The following TRIM21 variants were observed in gnomAD, a reference collection of about 807,000 sequenced individuals.
TRIM21 encodes the protein tripartite motif containing 21.
Under a neutral mutation model 36.1 loss-of-function variants are expected in TRIM21, and 35 were observed. That is an observed-to-expected ratio of 0.97 (90% CI 0.74 to 1.28). The LOEUF (loss-of-function observed/expected upper bound fraction) is 1.28, where lower values mean the gene tolerates loss of function less well. Among genes scored for constraint, TRIM21 ranks in the 50% most tolerant of loss-of-function variants. The pLI is 0.00. For missense variants in TRIM21, 635 were observed against 570.7 expected, an observed-to-expected ratio of 1.11 and a Z score of -1.15; for synonymous variants, 256 against 211.5, an observed-to-expected ratio of 1.21 and a Z score of -1.83.
intron 1 of TRIM21, 105 bp from the exon 2 acceptor site, chr11:4,390,563 A>AAAT (rs1484969210): frequency 1.4e-6 from 1 of 712,974 alleles, no homozygotes; most frequent in East Asian, 2.7e-5. Context: ...TTCTTCACAA[A>AAAT]AATAGGAAAA....
At chr11:4,392,057 A>C (rs972126208) in intron 1 of TRIM21, among the ~76,000 whole-genome samples, 12 of 152,142 alleles carry the variant, frequency 7.9e-5, no homozygotes, top group African/African-American at 2.2e-4. Flanking sequence ...TTAATTGTAC[A>C]TTAAAAATAA....
intron 1 of TRIM21, 57 bp downstream of exon 1, chr11:4,393,576 G>C (rs956432283): frequency 6.6e-6 from 1 of 152,582 alleles, no homozygotes; most frequent in Admixed American, 6.5e-5. Context: ...CCCTGGGGCA[G>C]GGGAGAGAGG....
chr11:4,386,788 T>G lies in TRIM21; in HGVS notation c.758+180A>C, dbSNP rs576034851. On this transcript the variant is annotated intron_variant, in intron 5 of 6. Coordinates refer to ENST00000254436, the MANE Select transcript of TRIM21 (RefSeq NM_003141.4). ...CCAACTACTGTGGGCAATCACCAATTGAGATGTCCATTTATTAGCTTTCTG... is the reference window on the plus strand; with the variant it reads ...CCAACTACTGTGGGCAATCACCAATGGAGATGTCCATTTATTAGCTTTCTG... 2.6e-5 allele frequency among the ~76,000 whole-genome samples: 4 copies of G among 152,322 alleles called. No homozygotes were observed. The East Asian group carries it at 7.7e-4, about 29-fold the overall frequency.
At chr11:4,389,561 G>C in intron 3 of TRIM21, 93 bp downstream of exon 3, 1 of 1,080,018 alleles carries the variant, frequency 9.3e-7, no homozygotes, top group South Asian at 1.3e-5. Context: ...TCACTGCTCA[G>C]AGAGGCACAG....
rs372780428 is a variant in TRIM21 at position 4,385,892 on chromosome 11, G to A, written c.860-39C>T. On this transcript the variant is annotated intron_variant, in intron 6 of 6. Coordinates refer to ENST00000254436, the MANE Select transcript of TRIM21 (RefSeq NM_003141.4). ...ACCACAGTCAGGCCTTGCATGGGGGGAGTTCACTAAGTCTGTGCCTGTGGT... is the reference window on the plus strand; with the variant it reads ...ACCACAGTCAGGCCTTGCATGGGGGAAGTTCACTAAGTCTGTGCCTGTGGT... 3 of 1,547,892 alleles carry A rather than the reference G, an allele frequency of 1.9e-6. No homozygotes were observed. The African/African-American group carries it at 4.1e-5, about 21-fold the overall frequency.
chr11:4,388,596 T>C, intron 3 of TRIM21, 66 bp from the exon 4 acceptor site: 1 of 1,472,160 alleles, frequency 6.8e-7, no homozygotes, highest in Non-Finnish European at 9.3e-7. Flanking sequence ...GGAATGGAGG[T>C]ATTGGTACCT....
chr11:4,393,406 T>A (rs770922396), intron 1 of TRIM21, among the ~76,000 whole-genome samples: 86 of 151,840 alleles, frequency 5.7e-4, no homozygotes, highest in Non-Finnish European at 1.2e-3. Context: ...CCGGGCCCCT[T>A]CCCCTTCTGG....
chr11:4,392,972 G>A (rs1243024712), intron 1 of TRIM21, among the ~76,000 whole-genome samples: 1 of 152,076 alleles, frequency 6.6e-6, no homozygotes, highest in African/African-American at 2.4e-5. Flanking sequence ...CTCCTATAAC[G>A]GCGGAAGTCA....
chr11:4,387,037 C>T (rs1439489303), intron 4 of TRIM21, 47 bp from the exon 5 acceptor site: 1 of 1,554,058 alleles, frequency 6.4e-7, no homozygotes, highest in Non-Finnish European at 8.7e-7. Flanking sequence ...GCTGGATCGC[C>T]ACTGAGACAT....
rs770993955 is a variant in TRIM21, at chr11:4,390,374, C to T, written c.36G>A (p.Glu12=). The change falls in exon 2 of 7, where the codon GAG becomes GAA. Residue 12 remains glutamate, a synonymous_variant. Coordinates refer to ENST00000254436, the MANE Select transcript of TRIM21 (RefSeq NM_003141.4). ...ASAARLTMMW[E]EVTCPICLDP... ...CCAGGCAGATAGGGCATGTGACCTCCTCCCACATCATTGTCAAGCGTGCTG... is the reference window on the plus strand; with the variant it reads ...CCAGGCAGATAGGGCATGTGACCTCTTCCCACATCATTGTCAAGCGTGCTG... 7 of 1,611,602 alleles carry T rather than the reference C, an allele frequency of 4.3e-6. No individual in the cohort carries two copies. Among genetic ancestry groups the T allele is most frequent in the African/African-American group, 1.3e-5 (1 of 74,870 alleles).
At position 4,385,246 on chromosome 11, in the gene TRIM21, GGTGCCAATGGGGAGA is replaced by G; in HGVS notation, c.*24_*38del. On this transcript the variant is annotated 3_prime_UTR_variant, in exon 7 of 7. Coordinates refer to ENST00000254436, the MANE Select transcript of TRIM21 (RefSeq NM_003141.4). ...GAGGCAGGGTTTGTGGCTGAGAAGC[GGTGCCAATGGGGAGA>G]GTGGCAGTGTCCAGAGAAAGCCATC... The G allele has an allele frequency of 1.3e-6, 2 of 1,551,234 alleles. No individual in the cohort carries two copies. The highest frequency in any genetic ancestry group is 4.5e-5 in the East Asian group (2 of 44,242).
In TRIM21 at chr11:4,392,567, A is replaced by AAAAACAAAAC. The variant is rs71466158; in HGVS notation, c.-50+1056_-50+1065dup. On this transcript the variant is annotated intron_variant, in intron 1 of 6. Coordinates refer to ENST00000254436, the MANE Select transcript of TRIM21 (RefSeq NM_003141.4). ...GGGTGACACGGCGAGACTCCCTCTC[A>AAAAACAAAAC]AAAACAAAACAAAACAAAACAAGGC... 1.9e-3 allele frequency among the ~76,000 whole-genome samples: 284 copies of AAAAACAAAAC among 151,766 alleles called. 3 individuals carry two copies. Among genetic ancestry groups the AAAAACAAAAC allele is most frequent in the African/African-American group, 6.6e-3 (273 of 41,276 alleles).
At chr11:4,386,342 T>C in intron 5 of TRIM21, 85 bp from the exon 6 acceptor site, 2 of 1,135,490 alleles carry the variant, frequency 1.8e-6, no homozygotes, top group African/African-American at 1.5e-5. Flanking sequence ...AGGACTCCGA[T>C]AATTTAATTC....
rs1230178924 is a variant in TRIM21, at chr11:4,390,330, A to G, written c.80T>C (p.Val27Ala). Residue 27 changes from valine to alanine, a missense_variant, in exon 2 of 7, where the codon GTG (valine) becomes GCG (alanine). Val to Ala is a moderately conservative substitution (Grantham distance 64, BLOSUM62 0). Coordinates refer to ENST00000254436, the MANE Select transcript of TRIM21 (RefSeq NM_003141.4). ...PICLDPFVEP[V>A]SIECGHSFCQ... ...GAAGCTGTGGCCACACTCGATGCTC[A>G]CAGGCTCCACGAAGGGGTCCAGGCA... is the stretch of plus-strand genomic sequence containing the variant. 6.2e-7 allele frequency: 1 copy of G among 1,613,816 alleles called. No homozygotes were observed. The highest frequency in any genetic ancestry group is 8.5e-7 in the Non-Finnish European group (1 of 1,179,894).
rs2094954841 is a variant in TRIM21 at position 4,385,326 on chromosome 11, A to T, written c.1387T>A (p.Cys463Ser). ...GGKNTAPLTLCPLNIGSQGST... is the reference protein window; with the variant it reads ...GGKNTAPLTLSPLNIGSQGST... ...CCTTGTGATCCAATATTCAGTGGAC[A>T]GAGGGTTAGAGGGGCTGTGTTTTTT... Residue 463 changes from cysteine (C) to serine (S), a missense_variant, in exon 7 of 7, where the codon TGT (cysteine) becomes AGT (serine). Physicochemically the swap from Cys to Ser is moderately radical, Grantham distance 112. Transcript: ENST00000254436. The T allele has an allele frequency of 1.2e-6, 2 of 1,613,242 alleles. No homozygotes were observed. Among genetic ancestry groups the T allele is most frequent in the African/African-American group, 2.7e-5 (2 of 74,906 alleles).
chr11:4,388,426 A>C lies in TRIM21; in HGVS notation c.609T>G (p.Asp203Glu), dbSNP rs1488991136. ...CCAGGATTCTCAGCTGCTCCCTCTC[A>C]TCCTTCTCCAGCTCCTGCAGCTGCC... ...EQRQLQELEK[D>E]EREQLRILGE... is the part of the protein sequence containing the mutation. The change falls in exon 4 of 7, where the codon GAT (aspartate) becomes GAG (glutamate). Residue 203 changes from aspartate to glutamate, a missense_variant. By Grantham distance (45) the Asp-to-Glu change is conservative. Coordinates refer to ENST00000254436, the MANE Select transcript of TRIM21 (RefSeq NM_003141.4). 1 of 1,613,820 alleles carries C rather than the reference A, an allele frequency of 6.2e-7. No individual in the cohort carries two copies. The highest frequency in any genetic ancestry group is 1.7e-5 in the Admixed American group (1 of 60,020).
Position 4,386,205 on chromosome 11 carries a change from T to C in TRIM21, c.811A>G (p.Ser271Gly), listed in dbSNP as rs770341375. The part of the protein sequence containing the change: ...DLDITSPELR[S>G]VCHVPGLKKM... ...TTCAGCCCTGGCACATGGCACACAC[T>C]CCTGAGTTCTGGAGAGGTAATATCC... The change falls in exon 6 of 7, where the codon AGT becomes GGT. Residue 271 changes from serine (S) to glycine (G), a missense_variant. Ser to Gly is a moderately conservative substitution (Grantham distance 56). Coordinates refer to ENST00000254436, the MANE Select transcript of TRIM21 (RefSeq NM_003141.4). 5 of 1,613,826 alleles carry C rather than the reference T, an allele frequency of 3.1e-6. No individual in the cohort carries two copies. Among genetic ancestry groups the C allele is most frequent in the Non-Finnish European group, 4.2e-6 (5 of 1,179,884 alleles).
In TRIM21 at chr11:4,386,503, G is replaced by A. The variant is rs550101975; in HGVS notation, c.759-246C>T. On this transcript the variant is annotated intron_variant, in intron 5 of 6. Coordinates refer to ENST00000254436, the MANE Select transcript of TRIM21 (RefSeq NM_003141.4). ...TCTGTCTCTCCTGTCTAAGCCTGAG[G>A]TCACCTGGCAAATGCATTCAATTTC... Among the ~76,000 whole-genome samples, 3 of 152,304 alleles carry A rather than the reference G, an allele frequency of 2.0e-5. No homozygotes were observed. In the South Asian group the frequency reaches 6.2e-4, roughly 32 times the overall value.
intron 4 of TRIM21, among the ~76,000 whole-genome samples, chr11:4,387,653 T>G (rs1243619611): frequency 1.3e-5 from 2 of 151,992 alleles, no homozygotes; most frequent in East Asian, 1.9e-4. Context: ...GTTGGGAGTT[T>G]GAGACCAGCC....
Sources: allele counts gnomAD v4.1 joint callset (sites outside exome capture counted in the v4.1 genomes callset), GRCh38; gene constraint gnomAD v4.1.1; transcripts MANE v1.5; gene names NCBI Gene and HGNC (gene_info 2026-07-23, HGNC 2026-07-21).